The following AR variants were observed in gnomAD, a reference collection of about 807,000 sequenced individuals.
AR encodes the protein androgen receptor, also known as dihydrotestosterone receptor.
In AR, 8 loss-of-function variants were observed where a neutral mutation model predicts 53.9. The ratio of observed to expected loss-of-function variants is 0.15; its 90% CI spans 0.09 to 0.27. The LOEUF is 0.27. Among genes scored for constraint, AR ranks in the 10% least tolerant of loss-of-function variants. The probability of loss-of-function intolerance (pLI) is 1.00; values close to 1 mark genes in which losing one functional copy is unlikely to be tolerated. For missense variants in AR, 639 were observed against 742.5 expected (o/e 0.86, Z 1.62); for synonymous variants, 359 against 316.4 (o/e 1.13, Z -1.43).
chrX:67,676,753 T>G (rs745737404), intron 2 of AR, among the ~76,000 whole-genome samples: 3 of 111,506 alleles, frequency 2.7e-5, no homozygotes, highest in African/African-American at 6.5e-5. Flanking sequence ...AGAGGTGATA[T>G]TATCGGAATG....
chrX:67,711,050 G>T (rs1333648956), intron 3 of AR, among the ~76,000 whole-genome samples: 1 of 111,931 alleles, frequency 8.9e-6, no homozygotes, highest in East Asian at 2.8e-4. Flanking sequence ...CTGAATGAAT[G>T]AACGAAAATG....
At chrX:67,648,908 A>T (rs1439227420) in intron 2 of AR, among the ~76,000 whole-genome samples, 1 of 111,762 alleles carries the variant, frequency 8.9e-6, no homozygotes, top group South Asian at 3.8e-4. Context: ...AACTTCTGTG[A>T]TACACGTTCA....
chrX:67,552,612 T>C (rs1380858308), intron 1 of AR, among the ~76,000 whole-genome samples: 1 of 112,649 alleles, frequency 8.9e-6, no homozygotes. Flanking sequence ...TTTGAAGAAC[T>C]GTCAAACTGT....
In AR at chrX:67,553,674, TCATC is replaced by T. The variant is rs757020640; in HGVS notation, c.1616+6916_1616+6919del. ...TCATCTCAACAACGTTAAGTTATTTTCATCCATAAATATGCGATGTCTTCCCATT... is the reference window on the plus strand; with the variant it reads ...TCATCTCAACAACGTTAAGTTATTTTCATAAATATGCGATGTCTTCCCATT... On this transcript the variant is annotated intron_variant, in intron 1 of 7. Coordinates refer to ENST00000374690, the MANE Select transcript of AR (RefSeq NM_000044.6). Among the ~76,000 whole-genome samples the T allele has an allele frequency of 4.4e-3, 497 of 112,278 alleles. 1 individual carries two copies. The highest frequency in any genetic ancestry group is 9.2e-3 in the Middle Eastern group (2 of 217).
intron 1 of AR, among the ~76,000 whole-genome samples, chrX:67,603,131 CTT>C (rs1262322492): frequency 8.9e-6 from 1 of 111,745 alleles, no homozygotes. Flanking sequence ...TCTAGGTAGA[CTT>C]TCCCACAATG....
Position 67,726,741 on chromosome X carries a change from T to C in AR, c.*2900T>C. On this transcript the variant is annotated 3_prime_UTR_variant, in exon 8 of 8. Transcript: ENST00000374690. ...CCCATGGATGAAAGGAGGAGGATTTTTTTTTTCTTTTGGCCATTGATGTTC... is the reference window on the plus strand; with the variant it reads ...CCCATGGATGAAAGGAGGAGGATTTCTTTTTTCTTTTGGCCATTGATGTTC... 5.7e-6 allele frequency: 1 copy of C among 175,356 alleles called. No homozygotes were observed. The highest frequency in any genetic ancestry group is 7.8e-5 in the Admixed American group (1 of 12,880). 14.5% of individuals were successfully genotyped at this position (175,356 alleles called of 1,213,427 possible).
intron 1 of AR, among the ~76,000 whole-genome samples, chrX:67,547,330 T>C (rs1237688088): frequency 9.0e-6 from 1 of 111,611 alleles, no homozygotes; most frequent in Non-Finnish European, 1.9e-5. Flanking sequence ...AAGGGTGAAC[T>C]TCTTTCTCCT....
At chrX:67,560,311 A>G (rs1028518341) in intron 1 of AR, among the ~76,000 whole-genome samples, 1 of 111,168 alleles carries the variant, frequency 9.0e-6, no homozygotes, top group Non-Finnish European at 1.9e-5. Context: ...GATTCTTAAC[A>G]CCTCTTTCCA....
intron 1 of AR, among the ~76,000 whole-genome samples, chrX:67,640,888 A>G (rs962686762): frequency 1.8e-5 from 2 of 111,343 alleles, no homozygotes; most frequent in Admixed American, 1.9e-4. Flanking sequence ...GTGCATCCTC[A>G]TCTTTAGCAG....
chrX:67,680,894 G>T, intron 2 of AR: 4 of 275,431 alleles, frequency 1.5e-5, no homozygotes, highest in East Asian at 1.0e-4. Flanking sequence ...GTTTTATGAT[G>T]GAAGGATACG....
intron 2 of AR, among the ~76,000 whole-genome samples, chrX:67,644,664 T>C (rs1925960682): frequency 9.0e-6 from 1 of 111,625 alleles, no homozygotes; most frequent in South Asian, 3.8e-4. Context: ...TGAGTGTTGA[T>C]TCATCATTTT....
intron 2 of AR, among the ~76,000 whole-genome samples, chrX:67,652,948 A>G (rs984735506): frequency 8.9e-6 from 1 of 112,132 alleles, no homozygotes; most frequent in Admixed American, 9.5e-5. Flanking sequence ...CATGGATCTC[A>G]GAGGCTCTAT....
chrX:67,637,113 TAACAC>T (rs1007728104), intron 1 of AR, among the ~76,000 whole-genome samples: 2 of 111,354 alleles, frequency 1.8e-5, no homozygotes, highest in African/African-American at 6.5e-5. Flanking sequence ...TTTTTAATAA[TAACAC>T]AACATAAAGT....
chrX:67,717,737 G>T (rs771962108), intron 5 of AR, 115 bp downstream of exon 5: 3 of 1,038,382 alleles, frequency 2.9e-6, no homozygotes, highest in African/African-American at 1.8e-5. Flanking sequence ...TGCAGTTGTC[G>T]CAGCGGATGC....
rs777185142 is a variant in AR at position 67,723,680 on chromosome X, C to T, written c.2608-6C>T. 1.7e-5 allele frequency: 21 copies of T among 1,207,572 alleles called. No individual in the cohort carries two copies. In the South Asian group the frequency reaches 2.7e-4, roughly 15 times the overall value. Reference sequence around the variant, plus strand: ...CTGTTTTTCTCCCTCTTATTGTTCCCTACAGATTGCGAGAGAGCTGCATCA... The same window carrying T: ...CTGTTTTTCTCCCTCTTATTGTTCCTTACAGATTGCGAGAGAGCTGCATCA... On this transcript the variant is annotated splice_region_variant and splice_polypyrimidine_tract_variant and intron_variant, in intron 7 of 7. Transcript: ENST00000374690.
In AR at chrX:67,686,113, G is replaced by A. The variant is rs756781247; in HGVS notation, c.1872G>A (p.Gly624=). Residue 624 remains glycine (G), a synonymous_variant, in exon 3 of 8, where the codon GGG becomes GGA. Coordinates refer to ENST00000374690, the MANE Select transcript of AR (RefSeq NM_000044.6). ...GTCTTCGGAAATGTTATGAAGCAGG[G>A]ATGACTCTGGGAGGTAAGATACTTT... ...SCRLRKCYEA[G]MTLGARKLKK... 1.7e-6 allele frequency: 2 copies of A among 1,209,263 alleles called. No homozygotes were observed. Among genetic ancestry groups the A allele is most frequent in the Non-Finnish European group, 1.1e-6 (1 of 893,724 alleles).
intron 1 of AR, among the ~76,000 whole-genome samples, chrX:67,574,889 A>C (rs1921980650): frequency 8.9e-6 from 1 of 111,797 alleles, no homozygotes. Flanking sequence ...TGAAACTATA[A>C]GCTTAAATTG....
At chrX:67,660,352 A>G (rs188860795) in intron 2 of AR, among the ~76,000 whole-genome samples, 67 of 111,981 alleles carry the variant, frequency 6.0e-4, no homozygotes, top group Middle Eastern at 4.6e-3. Flanking sequence ...TTTAGGTCTA[A>G]CATGTAAGTC....
intron 1 of AR, among the ~76,000 whole-genome samples, chrX:67,611,578 T>C (rs1174327317): frequency 3.6e-5 from 4 of 111,922 alleles, no homozygotes; most frequent in Admixed American, 1.9e-4. Flanking sequence ...TTCATCATTG[T>C]TTTTTCTTAT....
Sources: allele counts gnomAD v4.1 joint callset (sites outside exome capture counted in the v4.1 genomes callset), GRCh38; gene constraint gnomAD v4.1.1; transcripts MANE v1.5; gene names NCBI Gene and HGNC (gene_info 2026-07-23, HGNC 2026-07-21).